Variants in CDH13 observed in about 807,000 individuals in gnomAD.
CDH13 encodes the protein cadherin 13, also known as cadherin-13.
CDH13 carries 24 observed loss-of-function variants against 63.8 expected under a neutral mutation model. That is an observed-to-expected ratio of 0.38 (90% CI 0.27 to 0.53). The LOEUF (loss-of-function observed/expected upper bound fraction) is 0.53, where lower values mean the gene tolerates loss of function less well. CDH13 is among the 20% of genes least tolerant of loss of function. The probability of loss-of-function intolerance (pLI) is 0.85; values close to 1 mark genes in which losing one functional copy is unlikely to be tolerated. For missense variants in CDH13, 1,049 were observed against 903.1 expected (o/e 1.16, Z -2.07); for synonymous variants, 503 against 355.3 (o/e 1.42, Z -4.67).
chr16:83,482,459 C>A (rs138295461), intron 6 of CDH13, among the ~76,000 whole-genome samples: 39 of 152,328 alleles, frequency 2.6e-4, no homozygotes, highest in African/African-American at 8.9e-4. Context: ...GAAGAGTCCT[C>A]TGGGGAAACC....
At chr16:83,354,806 AC>A (rs2151379030) in intron 6 of CDH13, among the ~76,000 whole-genome samples, 2 of 152,294 alleles carry the variant, frequency 1.3e-5, no homozygotes, top group East Asian at 3.9e-4. Flanking sequence ...GAGTCAACAA[AC>A]TATGGGCCAT....
intron 7 of CDH13, among the ~76,000 whole-genome samples, chr16:83,541,341 C>A (rs561726766): frequency 1.3e-5 from 2 of 152,172 alleles, no homozygotes; most frequent in Admixed American, 6.5e-5. Context: ...ACTTCATTAT[C>A]CTTTACCAAA....
Position 83,019,844 on chromosome 16 carries a change from A to T in CDH13, c.158-12166A>T, listed in dbSNP as rs547483055. ...GAAGGAGGAGTACACTCTAAAAAAA[A>T]AAAAAAAAAACAATAAAAACGATAG... On this transcript the variant is annotated intron_variant, in intron 2 of 13. Coordinates refer to ENST00000567109, the MANE Select transcript of CDH13 (RefSeq NM_001257.5). Among the ~76,000 whole-genome samples, 13 of 151,790 alleles carry T rather than the reference A, an allele frequency of 8.6e-5. 1 individual carries two copies. In the South Asian group the frequency reaches 2.1e-3, roughly 24 times the overall value.
At chr16:83,463,719 C>T (rs2073238144) in intron 6 of CDH13, among the ~76,000 whole-genome samples, 1 of 152,176 alleles carries the variant, frequency 6.6e-6, no homozygotes, top group Non-Finnish European at 1.5e-5. Context: ...GTGGGAGGAC[C>T]ACTTGAGCCC....
rs1273111731 is a variant in CDH13 at position 83,783,487 on chromosome 16, C to G, written c.2134+15C>G. The G allele has an allele frequency of 3.1e-6, 5 of 1,600,326 alleles. No homozygotes were observed. Among genetic ancestry groups the G allele is most frequent in the Non-Finnish European group, 4.3e-6 (5 of 1,167,952 alleles). Reference sequence around the variant, plus strand: ...CAGCTTAGCTTGTAAGTTGACCTAACTCCAGTGCATGCACAAACAGGAAAT... The same window carrying G: ...CAGCTTAGCTTGTAAGTTGACCTAAGTCCAGTGCATGCACAAACAGGAAAT... On this transcript the variant is annotated intron_variant, in intron 13 of 13. Coordinates refer to ENST00000567109, the MANE Select transcript of CDH13 (RefSeq NM_001257.5).
chr16:83,531,397 C>G (rs1407208699), intron 7 of CDH13, among the ~76,000 whole-genome samples: 1 of 152,180 alleles, frequency 6.6e-6, no homozygotes, highest in Non-Finnish European at 1.5e-5. Context: ...GATCCTGGTA[C>G]CTATGACTAT....
intron 10 of CDH13, among the ~76,000 whole-genome samples, chr16:83,744,603 CA>C (rs1912393662): frequency 6.6e-6 from 1 of 152,140 alleles, no homozygotes; most frequent in Non-Finnish European, 1.5e-5. Flanking sequence ...TGAAACATTC[CA>C]GGGGACCGTG....
intron 2 of CDH13, among the ~76,000 whole-genome samples, chr16:83,029,574 A>G (rs1455440073): frequency 6.6e-6 from 1 of 152,208 alleles, no homozygotes; most frequent in Non-Finnish European, 1.5e-5. Flanking sequence ...CAGCCACATG[A>G]TGAATCTCGT....
intron 6 of CDH13, among the ~76,000 whole-genome samples, chr16:83,378,787 C>T (rs1237812410): frequency 6.6e-6 from 1 of 152,142 alleles, no homozygotes; most frequent in Admixed American, 6.5e-5. Context: ...TATTATTAAA[C>T]AGTAGAACTG....
intron 3 of CDH13, among the ~76,000 whole-genome samples, chr16:83,064,874 ACT>A (rs1002366898): frequency 1.7e-4 from 26 of 151,980 alleles, no homozygotes; most frequent in Non-Finnish European, 3.5e-4. Flanking sequence ...TTTGAAATTG[ACT>A]CTCTTAGTTA....
chr16:82,874,009 A>G (rs186483464), intron 2 of CDH13, among the ~76,000 whole-genome samples: 8 of 152,192 alleles, frequency 5.3e-5, no homozygotes, highest in Admixed American at 2.0e-4. Context: ...AGTACTCCCA[A>G]TTTTAGGTCC....
intron 2 of CDH13, among the ~76,000 whole-genome samples, chr16:82,978,305 G>C (rs1909799925): frequency 6.6e-6 from 1 of 152,202 alleles, no homozygotes; most frequent in Admixed American, 6.5e-5. Flanking sequence ...CTATTTTATG[G>C]GGAGAAATTC....
At chr16:83,521,453 AC>A (rs2074834703) in intron 7 of CDH13, among the ~76,000 whole-genome samples, 1 of 152,202 alleles carries the variant, frequency 6.6e-6, no homozygotes, top group South Asian at 2.1e-4. Context: ...ATAGTGTGTC[AC>A]CACCAACACA....
chr16:82,780,385 G>C (rs557965280), intron 1 of CDH13, among the ~76,000 whole-genome samples: 14 of 152,260 alleles, frequency 9.2e-5, no homozygotes, highest in African/African-American at 2.6e-4. Context: ...ATGACTGCAC[G>C]GGACCAGAGG....
At chr16:82,950,420 G>T (rs574463222) in intron 2 of CDH13, among the ~76,000 whole-genome samples, 1 of 152,202 alleles carries the variant, frequency 6.6e-6, no homozygotes, top group African/African-American at 2.4e-5. Context: ...CGTGTTATGG[G>T]AGGGACTGGG....
At chr16:83,215,737 G>T (rs577040090) in intron 4 of CDH13, among the ~76,000 whole-genome samples, 1 of 152,146 alleles carries the variant, frequency 6.6e-6, no homozygotes, top group African/African-American at 2.4e-5. Context: ...GCGCTGTTGA[G>T]TATGTGTCAA....
intron 4 of CDH13, among the ~76,000 whole-genome samples, chr16:83,161,364 T>C (rs977082708): frequency 6.6e-6 from 1 of 150,532 alleles, no homozygotes; most frequent in Non-Finnish European, 1.5e-5. Flanking sequence ...AATAAATAAA[T>C]AAGGGTCTAT....
intron 2 of CDH13, among the ~76,000 whole-genome samples, chr16:82,948,661 C>T (rs565508177): frequency 8.5e-5 from 13 of 152,292 alleles, no homozygotes; most frequent in Admixed American, 7.8e-4. Context: ...AATGCAAACT[C>T]TGCTACTAGT....
chr16:82,698,472 C>A (rs2030597292), intron 1 of CDH13, among the ~76,000 whole-genome samples: 1 of 152,210 alleles, frequency 6.6e-6, no homozygotes, highest in South Asian at 2.1e-4. Flanking sequence ...TGCATATGGG[C>A]TCAGCCATCA....
Sources: gnomAD v4.1 joint callset for allele counts (sites outside exome capture counted in the v4.1 genomes callset) on GRCh38, gnomAD v4.1.1 for gene constraint, MANE v1.5 for transcripts, NCBI Gene and HGNC (gene_info 2026-07-23, HGNC 2026-07-21) for gene names.